Variants in PRMT3 observed in about 807,000 individuals in gnomAD.
The protein encoded by PRMT3 is protein arginine methyltransferase 3.
A neutral mutation model predicts 71.9 loss-of-function variants in PRMT3; 62 were observed. The ratio of observed to expected loss-of-function variants is 0.86; its 90% CI spans 0.70 to 1.07. PRMT3 has a LOEUF of 1.07. Ranked by LOEUF, PRMT3 falls within the 50% of genes least tolerant of loss-of-function variation. The probability of loss-of-function intolerance (pLI) is 0.00; values close to 1 mark genes in which losing one functional copy is unlikely to be tolerated. For synonymous variants in PRMT3, 213 were observed against 220.4 expected, an observed-to-expected ratio of 0.97 and a Z score of 0.30; for missense variants, 663 against 643.0, an observed-to-expected ratio of 1.03 and a Z score of -0.34.
chr11:20,469,298 G>A (rs1850587818), intron 13 of PRMT3, among the ~76,000 whole-genome samples: 1 of 152,146 alleles, frequency 6.6e-6, no homozygotes, highest in South Asian at 2.1e-4. Flanking sequence ...TATCTTGTGA[G>A]TTCTCGTTTA....
chr11:20,458,046 A>G (rs1294892958), intron 11 of PRMT3, among the ~76,000 whole-genome samples: 2 of 152,332 alleles, frequency 1.3e-5, no homozygotes, highest in African/African-American at 2.4e-5. Flanking sequence ...CCTTTATTAT[A>G]TAAACTAGAA....
intron 11 of PRMT3, among the ~76,000 whole-genome samples, chr11:20,453,362 G>GT (rs1261876280): frequency 6.6e-6 from 1 of 150,590 alleles, no homozygotes; most frequent in East Asian, 1.9e-4. Context: ...GCTGGGCTTG[G>GT]TGGCAGGTGC....
Position 20,452,141 on chromosome 11 carries a change from T to G in PRMT3, c.1005T>G (p.Leu335=). 6.2e-7 allele frequency: 1 copy of G among 1,606,948 alleles called. No homozygotes were observed. Among genetic ancestry groups the G allele is most frequent in the Non-Finnish European group, 8.5e-7 (1 of 1,174,160 alleles). The change falls in exon 11 of 16, where the codon CTT becomes CTG. Residue 335 remains leucine (L), a synonymous_variant. Coordinates refer to ENST00000331079, the MANE Select transcript of PRMT3 (RefSeq NM_005788.4). ...VIISEWMGYF[L]LFESMLDSVL... ...CTTTTTTTATGCAGGGCTATTTTCTTCTGTTTGAGTCTATGTTAGATTCTG... is the reference window on the plus strand; with the variant it reads ...CTTTTTTTATGCAGGGCTATTTTCTGCTGTTTGAGTCTATGTTAGATTCTG...
intron 3 of PRMT3, among the ~76,000 whole-genome samples, chr11:20,390,515 G>A (rs969220603): frequency 6.6e-6 from 1 of 152,218 alleles, no homozygotes; most frequent in African/African-American, 2.4e-5. Flanking sequence ...CAGCCTACGA[G>A]ACTGAGTTTT....
At chr11:20,461,874 A>G (rs1394275355) in intron 11 of PRMT3, 106 bp from the exon 12 acceptor site, 6 of 966,544 alleles carry the variant, frequency 6.2e-6, no homozygotes, top group Admixed American at 2.9e-5. Context: ...TCCCATTGCT[A>G]GTAATCCTTA....
chr11:20,471,160 G>T (rs541641726), intron 13 of PRMT3, among the ~76,000 whole-genome samples: 4 of 152,192 alleles, frequency 2.6e-5, no homozygotes, highest in African/African-American at 9.6e-5. Context: ...CTCCCATTCT[G>T]TAGGTTGTCT....
intron 13 of PRMT3, among the ~76,000 whole-genome samples, chr11:20,484,219 C>A (rs974815688): frequency 6.6e-6 from 1 of 152,108 alleles, no homozygotes; most frequent in African/African-American, 2.4e-5. Flanking sequence ...TTGGGATCTA[C>A]AAGTGAACAA....
intron 10 of PRMT3, among the ~76,000 whole-genome samples, chr11:20,436,803 T>G (rs1400223285): frequency 6.6e-6 from 1 of 152,166 alleles, no homozygotes; most frequent in African/African-American, 2.4e-5. Context: ...CCTCATAGAA[T>G]GAGTTTGGAA....
At chr11:20,422,192 T>G (rs1015435675) in intron 9 of PRMT3, among the ~76,000 whole-genome samples, 1 of 152,212 alleles carries the variant, frequency 6.6e-6, no homozygotes, top group Non-Finnish European at 1.5e-5. Context: ...TTTCCCTGAT[T>G]GTTAATTCTG....
intron 15 of PRMT3, among the ~76,000 whole-genome samples, chr11:20,502,576 C>T (rs1376350487): frequency 6.6e-6 from 1 of 152,052 alleles, no homozygotes; most frequent in Admixed American, 6.6e-5. Context: ...TTCATTTTGA[C>T]TGGGGTTTTT....
intron 10 of PRMT3, among the ~76,000 whole-genome samples, chr11:20,438,302 G>C (rs1017214504): frequency 6.6e-6 from 1 of 150,496 alleles, no homozygotes; most frequent in Non-Finnish European, 1.5e-5. Flanking sequence ...CTGTACAGTA[G>C]TGACTTTAGA....
intron 10 of PRMT3, among the ~76,000 whole-genome samples, chr11:20,440,373 T>C (rs57554724): frequency 0.052 from 7,902 of 150,996 alleles, 312 homozygotes; most frequent in East Asian, 0.2. Context: ...AGGCCGGGTG[T>C]GGTGGCTCAC....
chr11:20,478,800 A>G (rs569627627), intron 13 of PRMT3, among the ~76,000 whole-genome samples: 25 of 152,296 alleles, frequency 1.6e-4, no homozygotes, highest in Admixed American at 6.5e-4. Flanking sequence ...TTTATTTGCA[A>G]TTGTGTTCTT....
At chr11:20,413,708 A>G (rs929287088) in intron 9 of PRMT3, among the ~76,000 whole-genome samples, 4 of 152,004 alleles carry the variant, frequency 2.6e-5, no homozygotes, top group African/African-American at 4.8e-5. Flanking sequence ...TCTTCTTTCT[A>G]TTTCACAATC....
chr11:20,433,501 G>A (rs1386305101), intron 10 of PRMT3, among the ~76,000 whole-genome samples: 1 of 152,102 alleles, frequency 6.6e-6, no homozygotes, highest in African/African-American at 2.4e-5. Flanking sequence ...CTTTGTTATT[G>A]TGAATAATGC....
intron 10 of PRMT3, among the ~76,000 whole-genome samples, chr11:20,440,617 G>A (rs1849872155): frequency 6.6e-6 from 1 of 151,048 alleles, no homozygotes; most frequent in African/African-American, 2.5e-5. Context: ...TGTCTTTTAT[G>A]TACAATGATG....
At chr11:20,497,838 T>G (rs539450094) in intron 15 of PRMT3, among the ~76,000 whole-genome samples, 1 of 152,122 alleles carries the variant, frequency 6.6e-6, no homozygotes, top group South Asian at 2.1e-4. Context: ...AAACAAGCCT[T>G]GAAGGGAAAA....
intron 13 of PRMT3, among the ~76,000 whole-genome samples, chr11:20,479,076 G>A (rs1324232952): frequency 6.6e-6 from 1 of 152,156 alleles, no homozygotes; most frequent in Non-Finnish European, 1.5e-5. Context: ...GCTTCATTAA[G>A]TAAATTTTAT....
chr11:20,504,709 A>AGAGTGT (rs1565243432), intron 15 of PRMT3, among the ~76,000 whole-genome samples: 10 of 69,602 alleles, frequency 1.4e-4, no homozygotes, highest in African/African-American at 5.0e-4. Flanking sequence ...TGTGTGTGTG[A>AGAGTGT]GAGAGAGAGA....
Sources: gnomAD v4.1 joint callset for allele counts (sites outside exome capture counted in the v4.1 genomes callset) on GRCh38, gnomAD v4.1.1 for gene constraint, MANE v1.5 for transcripts, NCBI Gene and HGNC (gene_info 2026-07-23, HGNC 2026-07-21) for gene names.